KIAA0825: variants seen among roughly 807,000 people sequenced by gnomAD.
KIAA0825 encodes KIAA0825, also known as uncharacterized protein KIAA0825.
A neutral mutation model predicts 147.6 loss-of-function variants in KIAA0825; 119 were observed. The observed-to-expected ratio is 0.81, with a 90% CI of 0.69 to 0.94. The LOEUF is 0.94. Ranked by LOEUF, KIAA0825 falls within the 40% of genes least tolerant of loss-of-function variation. The pLI, the probability that KIAA0825 is intolerant of heterozygous loss-of-function variation, is 0.00. For missense variants in KIAA0825, 1,381 were observed against 1,472.7 expected (o/e 0.94, Z 1.02); for synonymous variants, 470 against 518.1 (o/e 0.91, Z 1.26).
chr5:94,307,570 C>T (rs550409662), intron 20 of KIAA0825, among the ~76,000 whole-genome samples: 2 of 151,764 alleles, frequency 1.3e-5, no homozygotes, highest in African/African-American at 2.4e-5. Flanking sequence ...CTCCAAAATG[C>T]GATATGCTTT....
Position 94,601,707 on chromosome 5 carries a change from T to C in KIAA0825, c.-153+16793A>G, listed in dbSNP as rs936122206. Among the ~76,000 whole-genome samples the C allele has an allele frequency of 1.9e-4, 29 of 152,232 alleles. 1 individual carries two copies. The highest frequency in any genetic ancestry group is 6.7e-4 in the African/African-American group (28 of 41,538). The stretch of plus-strand genomic sequence containing the variant: ...AGGACAGAGGATATAACTGACCGGA[T>C]AGAACTGAAAAACACCATACAACAA... On this transcript the variant is annotated intron_variant, in intron 1 of 20. Transcript: ENST00000682413.
chr5:94,440,162 T>A, intron 13 of KIAA0825, 41 bp from the exon 14 acceptor site: 1 of 1,536,674 alleles, frequency 6.5e-7, no homozygotes, highest in Non-Finnish European at 8.8e-7. Context: ...TGAAGTTAAT[T>A]TATCTATGAA....
intron 2 of KIAA0825, among the ~76,000 whole-genome samples, chr5:94,538,652 G>A (rs1052592548): frequency 3.9e-5 from 6 of 152,236 alleles, no homozygotes; most frequent in African/African-American, 1.4e-4. Flanking sequence ...ATGTCTAAAT[G>A]ATCCATGGTG....
At chr5:94,536,663 A>G (rs373529831) in intron 3 of KIAA0825, among the ~76,000 whole-genome samples, 2 of 152,372 alleles carry the variant, frequency 1.3e-5, no homozygotes, top group South Asian at 4.1e-4. Context: ...TGTTTTTAGT[A>G]ACTCAAGCAA....
At chr5:94,352,905 T>C (rs965815146) in intron 20 of KIAA0825, among the ~76,000 whole-genome samples, 1 of 146,254 alleles carries the variant, frequency 6.8e-6, no homozygotes, top group East Asian at 2.1e-4. Context: ...AATGATGCAA[T>C]GGACTTTGGG....
At chr5:94,167,139 T>A (rs1262227731) in intron 20 of KIAA0825, among the ~76,000 whole-genome samples, 1 of 152,122 alleles carries the variant, frequency 6.6e-6, no homozygotes, top group Non-Finnish European at 1.5e-5. Flanking sequence ...GGTAATCGGA[T>A]GAGACCTACC....
rs1562284033 is a variant in KIAA0825, at chr5:94,152,855, AT to A, written c.*1151del. On this transcript the variant is annotated 3_prime_UTR_variant, in exon 21 of 21. Coordinates refer to ENST00000682413, the MANE Select transcript of KIAA0825 (RefSeq NM_001145678.3). ...AAAAAAAAAAAAAAAAAAAAAAAAA[AT>A]TATATATATATATATATATATATAT... The A allele has an allele frequency of 8.9e-4, 5 of 5,598 alleles. No individual in the cohort carries two copies. The highest frequency in any genetic ancestry group is 1.8e-3 in the Non-Finnish European group (5 of 2,800). 0.3% of individuals were successfully genotyped at this position (5,598 alleles called of 1,614,324 possible).
At position 94,384,556 on chromosome 5, in the gene KIAA0825, A is replaced by C. The variant is rs1272527654; in HGVS notation, c.3620-98T>G. The C allele has an allele frequency of 1.2e-4, 108 of 919,162 alleles. 1 individual carries two copies. The Admixed American group carries it at 2.2e-3, about 19-fold the overall frequency. The allele number at this position is 919,162 out of a possible 1,614,324, so 56.9% of individuals were successfully genotyped here. The stretch of plus-strand genomic sequence containing the variant: ...TCCAGCTGTGATAGACTAACTAAGA[A>C]GGAGGGGGGTCCAGAACAAGGACTT... On this transcript the variant is annotated intron_variant, in intron 19 of 20. Transcript: ENST00000682413.
intron 1 of KIAA0825, among the ~76,000 whole-genome samples, chr5:94,610,725 C>T: frequency 7.5e-6 from 1 of 133,512 alleles, no homozygotes; most frequent in Non-Finnish European, 1.5e-5. Context: ...GATCCTTCCA[C>T]TGCACTCCAG....
chr5:94,596,541 G>C (rs1425592546), intron 1 of KIAA0825, among the ~76,000 whole-genome samples: 1 of 152,148 alleles, frequency 6.6e-6, no homozygotes, highest in Admixed American at 6.6e-5. Context: ...TTTCTGCTAA[G>C]GATTGCCTTG....
intron 20 of KIAA0825, among the ~76,000 whole-genome samples, chr5:94,341,371 C>G (rs1782358653): frequency 6.6e-6 from 1 of 152,174 alleles, no homozygotes. Flanking sequence ...CACATCTATT[C>G]AAAGGTTCTA....
intron 17 of KIAA0825, among the ~76,000 whole-genome samples, chr5:94,392,463 CA>C (rs1750025001): frequency 6.6e-6 from 1 of 152,074 alleles, no homozygotes; most frequent in Non-Finnish European, 1.5e-5. Flanking sequence ...TAATGGATGA[CA>C]AAAAGAATTT....
intron 1 of KIAA0825, among the ~76,000 whole-genome samples, chr5:94,597,407 C>T (rs1785502528): frequency 6.6e-6 from 1 of 152,090 alleles, no homozygotes; most frequent in Non-Finnish European, 1.5e-5. Flanking sequence ...AAAGAGCACA[C>T]TCCTAAATAA....
chr5:94,514,257 T>G (rs1766902006), intron 5 of KIAA0825, among the ~76,000 whole-genome samples: 1 of 152,140 alleles, frequency 6.6e-6, no homozygotes, highest in Non-Finnish European at 1.5e-5. Context: ...TAAAATGACA[T>G]TCTTCATTTA....
chr5:94,292,302 G>C (rs1188620784), intron 20 of KIAA0825, among the ~76,000 whole-genome samples: 1 of 152,160 alleles, frequency 6.6e-6, no homozygotes, highest in Admixed American at 6.5e-5. Context: ...AGTTTATTGA[G>C]AGTTTTTAGC....
chr5:94,234,321 A>T (rs1774913826), intron 20 of KIAA0825, among the ~76,000 whole-genome samples: 1 of 151,954 alleles, frequency 6.6e-6, no homozygotes, highest in Non-Finnish European at 1.5e-5. Flanking sequence ...CAGTGAGCCG[A>T]GATCGCGCCA....
intron 2 of KIAA0825, among the ~76,000 whole-genome samples, chr5:94,539,860 A>C (rs1298606062): frequency 1.3e-5 from 2 of 152,070 alleles, no homozygotes; most frequent in African/African-American, 4.8e-5. Context: ...GCACTACGGG[A>C]TGTGAACTGC....
chr5:94,349,634 T>G (rs1783410632), intron 20 of KIAA0825, among the ~76,000 whole-genome samples: 1 of 152,122 alleles, frequency 6.6e-6, no homozygotes, highest in African/African-American at 2.4e-5. Context: ...AAAGGAAACT[T>G]CAAAACCATG....
chr5:94,600,798 AG>A (rs1786263671), intron 1 of KIAA0825, among the ~76,000 whole-genome samples: 1 of 152,178 alleles, frequency 6.6e-6, no homozygotes, highest in Admixed American at 6.5e-5. Context: ...ACTCTACAAA[AG>A]TGTGACCAGA....
Sources: gnomAD v4.1 joint callset for allele counts (sites outside exome capture counted in the v4.1 genomes callset) on GRCh38, gnomAD v4.1.1 for gene constraint, MANE v1.5 for transcripts, NCBI Gene and HGNC (gene_info 2026-07-23, HGNC 2026-07-21) for gene names.